The following DSCAM variants were observed in gnomAD, a reference collection of about 807,000 sequenced individuals.
The protein encoded by DSCAM is DS cell adhesion molecule.
DSCAM carries 47 observed loss-of-function variants against 217.7 expected under a neutral mutation model. That is an observed-to-expected ratio of 0.22 (90% CI 0.17 to 0.28). The LOEUF is 0.28. Among genes scored for constraint, DSCAM ranks in the 10% least tolerant of loss-of-function variants. The probability of loss-of-function intolerance (pLI) is 1.00; values close to 1 mark genes in which losing one functional copy is unlikely to be tolerated. For missense variants in DSCAM, 2,080 were observed against 2,618.3 expected (o/e 0.79, Z 4.49); for synonymous variants, 1,056 against 1,015.3 (o/e 1.04, Z -0.76).
intron 29 of DSCAM, among the ~76,000 whole-genome samples, chr21:40,053,626 A>C (rs74588366): frequency 0.042 from 6,359 of 152,302 alleles, 254 homozygotes; most frequent in African/African-American, 0.099. Context: ...AGCCCAGAGC[A>C]TTTTGAAGCA....
At position 40,637,653 on chromosome 21, in the gene DSCAM, A is replaced by ATATATC. The variant is rs2089822203; in HGVS notation, c.508+55156_508+55157insGATATA. On this transcript the variant is annotated intron_variant, in intron 3 of 32. Transcript: ENST00000400454. ...TATAAATATATATAAATATATATCT[A>ATATATC]TATATATATATATAAATTTTTTTCT... Among the ~76,000 whole-genome samples the ATATATC allele has an allele frequency of 6.5e-4, 8 of 12,396 alleles. 1 individual carries two copies. Among genetic ancestry groups the ATATATC allele is most frequent in the African/African-American group, 2.0e-3 (5 of 2,474 alleles). The allele number at this position is 12,396 out of a possible 152,430, so 8.1% of individuals were successfully genotyped here. A position where few individuals can be genotyped will look rare whatever the true frequency, so the allele number is the denominator to read the frequency against.
Position 40,563,960 on chromosome 21 carries a change from G to A in DSCAM, c.508+128850C>T, listed in dbSNP as rs868860989. On this transcript the variant is annotated intron_variant, in intron 3 of 32. Transcript: ENST00000400454. ...AAAAAGCACATTTCAGGGGAGAAGGGAGGCAGAGTGAGAGCAGAGCTGTGA... is the reference window on the plus strand; with the variant it reads ...AAAAAGCACATTTCAGGGGAGAAGGAAGGCAGAGTGAGAGCAGAGCTGTGA... Among the ~76,000 whole-genome samples, 7 of 152,256 alleles carry A rather than the reference G, an allele frequency of 4.6e-5. No homozygotes were observed. In the Middle Eastern group the frequency reaches 0.01, roughly 223 times the overall value.
At chr21:40,512,770 C>T (rs1338203411) in intron 3 of DSCAM, among the ~76,000 whole-genome samples, 1 of 152,120 alleles carries the variant, frequency 6.6e-6, no homozygotes, top group African/African-American at 2.4e-5. Context: ...GGCAAGGCCT[C>T]CCCCGAGACC....
intron 28 of DSCAM, among the ~76,000 whole-genome samples, chr21:40,056,445 T>TATCAGAGTA (rs139820611): frequency 0.024 from 3,680 of 152,248 alleles, 156 homozygotes; most frequent in African/African-American, 0.085. Context: ...AAAATTTGTG[T>TATCAGAGTA]ATCAGAAGAT....
At position 40,266,635 on chromosome 21, in the gene DSCAM, TTATA is replaced by T. The variant is rs71186923; in HGVS notation, c.2356+9458_2356+9461del. On this transcript the variant is annotated intron_variant, in intron 11 of 32. Coordinates refer to ENST00000400454, the MANE Select transcript of DSCAM (RefSeq NM_001389.5). ...TAACTGATGAATGGACAAAGATGTTTTATATATATATATATATATATATATATAT... is the reference window on the plus strand; with the variant it reads ...TAACTGATGAATGGACAAAGATGTTTTATATATATATATATATATATATAT... 3.8e-3 allele frequency among the ~76,000 whole-genome samples: 236 copies of T among 62,636 alleles called. 2 individuals are homozygous for T. The highest frequency in any genetic ancestry group is 0.014 in the Middle Eastern group (1 of 70). The allele number at this position is 62,636 out of a possible 152,430, so 41.1% of individuals were successfully genotyped here. A position where few individuals can be genotyped will look rare whatever the true frequency, so the allele number is the denominator to read the frequency against.
chr21:40,817,829 G>A (rs943157815), intron 1 of DSCAM, among the ~76,000 whole-genome samples: 10 of 152,116 alleles, frequency 6.6e-5, no homozygotes, highest in Non-Finnish European at 1.3e-4. Context: ...GGGCGCGGTG[G>A]CTCACGCCTG....
At chr21:40,746,037 C>T (rs1468497693) in intron 1 of DSCAM, among the ~76,000 whole-genome samples, 2 of 150,178 alleles carry the variant, frequency 1.3e-5, no homozygotes, top group Non-Finnish European at 3.0e-5. Context: ...ATTTACAAAG[C>T]AAAAACTTAT....
intron 20 of DSCAM, among the ~76,000 whole-genome samples, chr21:40,115,241 A>T (rs891763572): frequency 6.6e-6 from 1 of 152,158 alleles, no homozygotes; most frequent in Non-Finnish European, 1.5e-5. Flanking sequence ...GCCATAAAAA[A>T]GGATGAGTTC....
At chr21:40,279,883 G>A (rs1177843191) in intron 10 of DSCAM, among the ~76,000 whole-genome samples, 1 of 151,994 alleles carries the variant, frequency 6.6e-6, no homozygotes, top group Non-Finnish European at 1.5e-5. Flanking sequence ...AACACCTCAT[G>A]TTCTCACTCA....
intron 21 of DSCAM, 133 bp from the exon 22 acceptor site, chr21:40,087,420 A>T (rs2089547602): frequency 1.6e-6 from 1 of 643,628 alleles, no homozygotes; most frequent in South Asian, 1.9e-5. Context: ...TGTCAACACT[A>T]CTCTCTGGTA....
At chr21:40,783,813 C>G (rs1296933637) in intron 1 of DSCAM, among the ~76,000 whole-genome samples, 2 of 152,018 alleles carry the variant, frequency 1.3e-5, no homozygotes, top group Non-Finnish European at 2.9e-5. Flanking sequence ...TTAAGGATGC[C>G]CAATTTGAAG....
chr21:40,793,866 A>G lies in DSCAM; in HGVS notation c.43+52753T>C, dbSNP rs556534595. On this transcript the variant is annotated intron_variant, in intron 1 of 32. Transcript: ENST00000400454. Reference sequence around the variant, plus strand: ...TTTTGTCTGGCTTAGACAAAAAATCATGTGAAATATAAGAAGCACAAAAAC... The same window carrying G: ...TTTTGTCTGGCTTAGACAAAAAATCGTGTGAAATATAAGAAGCACAAAAAC... Among the ~76,000 whole-genome samples, 3 of 152,308 alleles carry G rather than the reference A, an allele frequency of 2.0e-5. No homozygotes were observed. The East Asian group carries it at 5.8e-4, about 29-fold the overall frequency.
At chr21:40,039,023 G>T (rs1217074297) in intron 32 of DSCAM, among the ~76,000 whole-genome samples, 2 of 123,952 alleles carry the variant, frequency 1.6e-5, no homozygotes, top group Admixed American at 9.2e-5. Context: ...GTAGTGGGGT[G>T]GGGGGAGGGG....
intron 32 of DSCAM, among the ~76,000 whole-genome samples, chr21:40,018,331 TTTA>T (rs1333198652): frequency 6.6e-6 from 1 of 152,046 alleles, no homozygotes; most frequent in Non-Finnish European, 1.5e-5. Flanking sequence ...AATTGTTAAT[TTTA>T]TTATTTATTT....
At position 40,376,706 on chromosome 21, in the gene DSCAM, A is replaced by G. The variant is rs1264969503; in HGVS notation, c.509-7461T>C. ...ATCATATATATCATATATATCTTATATAGATATCTATATATCATATATATG... is the reference window on the plus strand; with the variant it reads ...ATCATATATATCATATATATCTTATGTAGATATCTATATATCATATATATG... On this transcript the variant is annotated intron_variant, in intron 3 of 32. Transcript: ENST00000400454. Among the ~76,000 whole-genome samples the G allele has an allele frequency of 2.7e-5, 4 of 146,966 alleles. No homozygotes were observed. The East Asian group carries it at 5.9e-4, about 22-fold the overall frequency.
intron 32 of DSCAM, among the ~76,000 whole-genome samples, chr21:40,039,086 G>A (rs887834977): frequency 1.1e-4 from 17 of 151,890 alleles, no homozygotes; most frequent in African/African-American, 4.1e-4. Context: ...GTTAGTGGGT[G>A]CAGCGCACCA....
chr21:40,656,962 C>A (rs1332785761), intron 3 of DSCAM, among the ~76,000 whole-genome samples: 1 of 152,124 alleles, frequency 6.6e-6, no homozygotes, highest in Non-Finnish European at 1.5e-5. Flanking sequence ...CCACCTTAAC[C>A]CTTTAATGCA....
intron 6 of DSCAM, among the ~76,000 whole-genome samples, chr21:40,340,911 T>G (rs2074484010): frequency 6.6e-6 from 1 of 152,144 alleles, no homozygotes; most frequent in Non-Finnish European, 1.5e-5. Flanking sequence ...GGGGCCTAGT[T>G]CTTGGTCAGG....
At chr21:40,195,448 T>C (rs548636666) in intron 11 of DSCAM, among the ~76,000 whole-genome samples, 1 of 152,286 alleles carries the variant, frequency 6.6e-6, no homozygotes, top group Admixed American at 6.5e-5. Flanking sequence ...CTCAATACTT[T>C]CATTTTATAG....
Sources: allele counts gnomAD v4.1 joint callset (sites outside exome capture counted in the v4.1 genomes callset), GRCh38; gene constraint gnomAD v4.1.1; transcripts MANE v1.5; gene names NCBI Gene and HGNC (gene_info 2026-07-23, HGNC 2026-07-21).